LMTK2: variants seen among roughly 807,000 people sequenced by gnomAD.
LMTK2 encodes the protein serine/threonine-protein kinase LMTK2.
LMTK2 carries 37 observed loss-of-function variants against 127.5 expected under a neutral mutation model. The observed-to-expected ratio is 0.29, with a 90% CI of 0.22 to 0.38. The LOEUF (loss-of-function observed/expected upper bound fraction) is 0.38. Among genes scored for constraint, LMTK2 ranks in the 10% least tolerant of loss-of-function variants. The pLI is 1.00. For missense variants in LMTK2, 1,694 were observed against 1,920.3 expected, an observed-to-expected ratio of 0.88 and a Z score of 2.20; for synonymous variants, 819 against 810.1, an observed-to-expected ratio of 1.01 and a Z score of -0.19.
At chr7:98,146,144 C>A (rs768553412) in intron 3 of LMTK2, among the ~76,000 whole-genome samples, 1 of 152,112 alleles carries the variant, frequency 6.6e-6, no homozygotes, top group African/African-American at 2.4e-5. Flanking sequence ...TCTGGACTCT[C>A]GGCTGTATGT....
chr7:98,162,702 A>G (rs10215815), intron 6 of LMTK2, among the ~76,000 whole-genome samples: 19,768 of 152,276 alleles, frequency 0.13, 1,349 homozygotes, highest in East Asian at 0.19. Flanking sequence ...AAATTTTTTA[A>G]GCCATCATTG....
At position 98,107,234 on chromosome 7, in the gene LMTK2, G is replaced by C; in HGVS notation, c.57G>C (p.Leu19=). ...TGCTGCTGCTGCTGCTGGTCCTCCT[G>C]ATCGCCGGCAGTGCTGGGGCCGCGC... ...RRLLLLLLVL[L]IAGSAGAAPL... Residue 19 remains leucine (L), a synonymous_variant, in exon 1 of 14, where the codon CTG becomes CTC. Transcript: ENST00000297293. The C allele has an allele frequency of 6.8e-7, 1 of 1,461,344 alleles. No homozygotes were observed. The allele number at this position is 1,461,344 out of a possible 1,614,324, so 90.5% of individuals were successfully genotyped here.
At chr7:98,175,726 G>C (rs995343463) in intron 7 of LMTK2, among the ~76,000 whole-genome samples, 3 of 152,202 alleles carry the variant, frequency 2.0e-5, no homozygotes, top group Non-Finnish European at 2.9e-5. Context: ...ATGTCACACA[G>C]AAATGAGGAA....
In LMTK2 at chr7:98,209,206, CTTT is replaced by C. The variant is rs1797852577; in HGVS notation, c.*3715_*3717del. The C allele has an allele frequency of 1.3e-5, 2 of 152,348 alleles. No homozygotes were observed. The highest frequency in any genetic ancestry group is 1.3e-4 in the Admixed American group (2 of 15,310). 9.4% of individuals were successfully genotyped at this position (152,348 alleles called of 1,614,324 possible). ...AAGTAGCAATGGGGTTGGCTCAAGT[CTTT>C]ATTAACAAAGAACATTCTCTTTCAT... On this transcript the variant is annotated 3_prime_UTR_variant, in exon 14 of 14. Coordinates refer to ENST00000297293, the MANE Select transcript of LMTK2 (RefSeq NM_014916.4).
intron 11 of LMTK2, among the ~76,000 whole-genome samples, chr7:98,203,277 A>G (rs1465115893): frequency 6.6e-6 from 1 of 152,194 alleles, no homozygotes; most frequent in Non-Finnish European, 1.5e-5. Context: ...AAGCCGACAC[A>G]CTTGTTGCTG....
intron 11 of LMTK2, 106 bp from the exon 12 acceptor site, chr7:98,203,468 A>T: frequency 2.9e-6 from 4 of 1,397,130 alleles, no homozygotes; most frequent in Non-Finnish European, 3.8e-6. Context: ...TGAGACGCTT[A>T]CTTCTCAGTC....
At chr7:98,140,895 A>G (rs1796687968) in intron 2 of LMTK2, among the ~76,000 whole-genome samples, 2 of 151,550 alleles carry the variant, frequency 1.3e-5, no homozygotes, top group African/African-American at 4.9e-5. Context: ...AAAAAAAAAA[A>G]AAATTCAAAA....
At chr7:98,181,107 T>C (rs1797349901) in intron 7 of LMTK2, among the ~76,000 whole-genome samples, 1 of 152,108 alleles carries the variant, frequency 6.6e-6, no homozygotes, top group Admixed American at 6.6e-5. Context: ...GAGATGCTGT[T>C]TTTCCAGCAG....
chr7:98,131,620 G>A (rs1349258062), intron 1 of LMTK2, among the ~76,000 whole-genome samples: 1 of 152,092 alleles, frequency 6.6e-6, no homozygotes, highest in Non-Finnish European at 1.5e-5. Flanking sequence ...GATAATGTCT[G>A]TCTTTCTGTG....
At chr7:98,202,998 C>A (rs559584160) in intron 11 of LMTK2, among the ~76,000 whole-genome samples, 2 of 152,206 alleles carry the variant, frequency 1.3e-5, no homozygotes, top group African/African-American at 4.8e-5. Flanking sequence ...GGTCCCCTCC[C>A]GCTCGTGATC....
At position 98,194,437 on chromosome 7, in the gene LMTK2, C is replaced by G; in HGVS notation, c.3972C>G (p.Asn1324Lys). 6.2e-7 allele frequency: 1 copy of G among 1,614,134 alleles called. No homozygotes were observed. The highest frequency in any genetic ancestry group is 8.5e-7 in the Non-Finnish European group (1 of 1,180,046). The part of the protein sequence containing the change: ...TEHPVPIILS[N>K]EDGRHLRSLL... ...ACCCCGTGCCCATCATCCTCAGCAACGAGGACGGAAGGCACCTGCGGAGTC... is the reference window on the plus strand; with the variant it reads ...ACCCCGTGCCCATCATCCTCAGCAAGGAGGACGGAAGGCACCTGCGGAGTC... The change falls in exon 11 of 14, where the codon AAC (asparagine) becomes AAG (lysine). Residue 1324 changes from asparagine (N) to lysine (K), a missense_variant. Asn to Lys is a moderately conservative substitution (Grantham distance 94). Around this residue, in one of 8 missense-constraint regions of LMTK2, gnomAD observed 554 missense variants for 567.7 expected, o/e 0.98. Coordinates refer to ENST00000297293, the MANE Select transcript of LMTK2 (RefSeq NM_014916.4). The surrounding 1 kb of genome is among the most constrained non-coding windows in gnomAD (Gnocchi z 5.4).
At chr7:98,202,663 G>C (rs1021056215) in intron 11 of LMTK2, among the ~76,000 whole-genome samples, 1 of 152,082 alleles carries the variant, frequency 6.6e-6, no homozygotes, top group South Asian at 2.1e-4. Context: ...CAAAGCCTTC[G>C]CTGTGCTGTT....
intron 5 of LMTK2, among the ~76,000 whole-genome samples, chr7:98,158,049 T>C (rs1432335957): frequency 6.6e-6 from 1 of 152,236 alleles, no homozygotes; most frequent in African/African-American, 2.4e-5. Context: ...CTCTCTGCTG[T>C]CTTTGCAACT....
At chr7:98,200,589 C>G (rs1797691872) in intron 11 of LMTK2, among the ~76,000 whole-genome samples, 1 of 152,162 alleles carries the variant, frequency 6.6e-6, no homozygotes, top group Non-Finnish European at 1.5e-5. Flanking sequence ...TGTCACTGAT[C>G]TCTGTTCAGA....
At chr7:98,176,251 A>C (rs981584734) in intron 7 of LMTK2, among the ~76,000 whole-genome samples, 15 of 152,236 alleles carry the variant, frequency 9.9e-5, no homozygotes, top group Non-Finnish European at 1.0e-4. Flanking sequence ...GTTTACATAG[A>C]CTATGTAAAC....
At position 98,178,063 on chromosome 7, in the gene LMTK2, G is replaced by T. The variant is rs576745917; in HGVS notation, c.791+6389G>T. On this transcript the variant is annotated intron_variant, in intron 7 of 13. Coordinates refer to ENST00000297293, the MANE Select transcript of LMTK2 (RefSeq NM_014916.4). ...CATCAGCTTTACCAGTATAAGCCTGGTTATTTCATCCTTCGGAGCTCTATC... is the reference window on the plus strand; with the variant it reads ...CATCAGCTTTACCAGTATAAGCCTGTTTATTTCATCCTTCGGAGCTCTATC... Among the ~76,000 whole-genome samples the T allele has an allele frequency of 3.3e-5, 5 of 152,312 alleles. No homozygotes were observed. The South Asian group carries it at 1.0e-3, about 32-fold the overall frequency.
intron 7 of LMTK2, among the ~76,000 whole-genome samples, chr7:98,184,279 G>A (rs934028787): frequency 3.3e-5 from 5 of 152,170 alleles, no homozygotes; most frequent in African/African-American, 9.7e-5. Flanking sequence ...GTGCCTGTTT[G>A]AGGTCTTTGA....
chr7:98,178,332 G>C (rs74609604), intron 7 of LMTK2, among the ~76,000 whole-genome samples: 2 of 152,154 alleles, frequency 1.3e-5, no homozygotes, highest in African/African-American at 4.8e-5. Context: ...CCCCGAAGAC[G>C]CGCAAACTAG....
intron 3 of LMTK2, among the ~76,000 whole-genome samples, chr7:98,145,441 A>T (rs1407758352): frequency 6.6e-6 from 1 of 152,254 alleles, no homozygotes; most frequent in East Asian, 1.9e-4. Context: ...TTATTCTGTG[A>T]TTAAAATAAT....
Sources: allele counts gnomAD v4.1 joint callset (sites outside exome capture counted in the v4.1 genomes callset), GRCh38; gene constraint gnomAD v4.1.1; regional missense constraint gnomAD v4.1.1; non-coding constraint Gnocchi (gnomAD v3.1); transcripts MANE v1.5; gene names NCBI Gene and HGNC (gene_info 2026-07-23, HGNC 2026-07-21).